The following CEP85L variants were observed in gnomAD, a reference collection of about 807,000 sequenced individuals.
The protein encoded by CEP85L is centrosomal protein 85L.
In CEP85L, 60 loss-of-function variants were observed where a neutral mutation model predicts 100.3. That is an observed-to-expected ratio of 0.60 (90% CI 0.49 to 0.74). The LOEUF (loss-of-function observed/expected upper bound fraction) is 0.74. Among genes scored for constraint, CEP85L ranks in the 30% least tolerant of loss-of-function variants. The pLI, the probability that CEP85L is intolerant of heterozygous loss-of-function variation, is 0.00. For synonymous variants in CEP85L, 319 were observed against 322.7 expected, an observed-to-expected ratio of 0.99 and a Z score of 0.12; for missense variants, 973 against 936.2, an observed-to-expected ratio of 1.04 and a Z score of -0.51.
At chr6:118,625,068 T>TC (rs1282397298) in intron 2 of CEP85L, among the ~76,000 whole-genome samples, 8 of 152,082 alleles carry the variant, frequency 5.3e-5, no homozygotes, top group African/African-American at 1.9e-4. Context: ...TCCACCTCAG[T>TC]CCTAAACACC....
intron 5 of CEP85L, among the ~76,000 whole-genome samples, chr6:118,506,522 T>C (rs1043909141): frequency 2.0e-5 from 3 of 152,236 alleles, no homozygotes; most frequent in Non-Finnish European, 4.4e-5. Context: ...TCTGCTAATG[T>C]AGTAGGTAAC....
chr6:118,524,285 A>C (rs904458565), intron 3 of CEP85L, among the ~76,000 whole-genome samples: 3 of 152,132 alleles, frequency 2.0e-5, no homozygotes, highest in Admixed American at 6.5e-5. Flanking sequence ...TCTACTAAAA[A>C]TACAAAAAAT....
intron 3 of CEP85L, among the ~76,000 whole-genome samples, chr6:118,550,998 AT>A (rs1387218485): frequency 6.6e-6 from 1 of 151,888 alleles, no homozygotes; most frequent in Non-Finnish European, 1.5e-5. Flanking sequence ...TTTAAAAAAA[AT>A]AACACACCCC....
chr6:118,531,101 G>A (rs189912354), intron 3 of CEP85L, among the ~76,000 whole-genome samples: 3 of 152,182 alleles, frequency 2.0e-5, no homozygotes, highest in South Asian at 2.1e-4. Context: ...CCCAACTTCA[G>A]ACTATGCAAC....
intron 3 of CEP85L, among the ~76,000 whole-genome samples, chr6:118,533,883 C>A (rs1018753757): frequency 5.3e-5 from 8 of 151,894 alleles, no homozygotes; most frequent in African/African-American, 1.9e-4. Context: ...TCTCTTGAGG[C>A]CAGCAGTTCA....
At chr6:118,522,062 T>A (rs1776700893) in intron 4 of CEP85L, among the ~76,000 whole-genome samples, 1 of 152,108 alleles carries the variant, frequency 6.6e-6, no homozygotes, top group Admixed American at 6.5e-5. Context: ...GTCCATTTTT[T>A]AAAAGTATTA....
At chr6:118,466,712 A>G (rs1162237984) in intron 12 of CEP85L, among the ~76,000 whole-genome samples, 1 of 152,162 alleles carries the variant, frequency 6.6e-6, no homozygotes, top group Non-Finnish European at 1.5e-5. Context: ...AGAGGTAGGT[A>G]GTAGCTACCT....
At chr6:118,703,617 G>T (rs536615382) in intron 1 of CEP85L, among the ~76,000 whole-genome samples, 8 of 152,156 alleles carry the variant, frequency 5.3e-5, no homozygotes, top group Non-Finnish European at 1.5e-5. Flanking sequence ...GTAACTTCAC[G>T]CATCCCTGTA....
At chr6:118,702,960 C>T (rs1456402619) in intron 1 of CEP85L, among the ~76,000 whole-genome samples, 1 of 145,066 alleles carries the variant, frequency 6.9e-6, no homozygotes, top group Non-Finnish European at 1.5e-5. Flanking sequence ...GGCTCCATTG[C>T]ACTCCAGCCT....
chr6:118,591,051 A>C (rs1781163250), intron 2 of CEP85L, among the ~76,000 whole-genome samples: 1 of 152,206 alleles, frequency 6.6e-6, no homozygotes, highest in Non-Finnish European at 1.5e-5. Flanking sequence ...GGGTCCAGCA[A>C]TCACACTCTC....
chr6:118,649,192 CAATA>C lies in CEP85L; in HGVS notation c.73+2001_73+2004del, dbSNP rs768995836. Among the ~76,000 whole-genome samples, 8 of 151,794 alleles carry C rather than the reference CAATA, an allele frequency of 5.3e-5. No individual in the cohort carries two copies. The East Asian group carries it at 9.7e-4, about 18-fold the overall frequency. On this transcript the variant is annotated intron_variant, in intron 1 of 12. Coordinates refer to ENST00000368491, the MANE Select transcript of CEP85L (RefSeq NM_001042475.3). Reference sequence around the variant, plus strand: ...TATTTGCTCAAAAAGGGAAGAAACACAATAAATAATTACATTACTATTTCAGCAT... The same window carrying C: ...TATTTGCTCAAAAAGGGAAGAAACACAATAATTACATTACTATTTCAGCAT...
intron 5 of CEP85L, chr6:118,501,989 G>A (rs1775335601): frequency 6.0e-6 from 5 of 831,094 alleles, no homozygotes; most frequent in Admixed American, 4.0e-5. Context: ...AAACTGACCA[G>A]GTGGCTTGTT....
intron 10 of CEP85L, among the ~76,000 whole-genome samples, chr6:118,476,065 C>T (rs990680216): frequency 3.3e-5 from 5 of 152,212 alleles, no homozygotes; most frequent in Admixed American, 6.5e-5. Context: ...GGTGACTATT[C>T]GCAGCGCTAA....
At position 118,565,992 on chromosome 6, in the gene CEP85L, A is replaced by G. The variant is rs748145801; in HGVS notation, c.557T>C (p.Ile186Thr). The G allele has an allele frequency of 1.1e-5, 17 of 1,614,028 alleles. No homozygotes were observed. The East Asian group carries it at 2.4e-4, about 23-fold the overall frequency. ...TGATGTTAAAGCCTTAGCCTTCCCT[A>G]TCTTCTCCAAACCATTCCTTGACTC... ...REESRNGLEK[I>T]GKAKALTSQL... The change falls in exon 3 of 13, where the codon ATA (isoleucine) becomes ACA (threonine). Residue 186 changes from isoleucine to threonine, a missense_variant. Ile to Thr is a moderately conservative substitution (Grantham distance 89). This residue lies in a region of CEP85L where 890 missense variants were observed against 844.5 expected (regional missense o/e 1.05). Coordinates refer to ENST00000368491, the MANE Select transcript of CEP85L (RefSeq NM_001042475.3).
At chr6:118,540,343 T>C (rs1010263514) in intron 3 of CEP85L, among the ~76,000 whole-genome samples, 1 of 152,190 alleles carries the variant, frequency 6.6e-6, no homozygotes, top group African/African-American at 2.4e-5. Context: ...TATGAAAATT[T>C]GGAGATTTCT....
chr6:118,505,434 A>G (rs1434934845), intron 5 of CEP85L, among the ~76,000 whole-genome samples: 1 of 149,488 alleles, frequency 6.7e-6, no homozygotes, highest in Admixed American at 6.7e-5. Context: ...AAAAAAAAAA[A>G]AAAAGTTAAC....
chr6:118,490,759 CAATA>C (rs1014454243), intron 6 of CEP85L, among the ~76,000 whole-genome samples: 8 of 152,024 alleles, frequency 5.3e-5, no homozygotes, highest in African/African-American at 1.9e-4. Flanking sequence ...CACTACTCAG[CAATA>C]GATAGAAACT....
At chr6:118,688,868 C>G (rs530855973) in intron 1 of CEP85L, among the ~76,000 whole-genome samples, 1 of 152,304 alleles carries the variant, frequency 6.6e-6, no homozygotes, top group African/African-American at 2.4e-5. Context: ...TCTCTTATGC[C>G]CTAGAGCCAT....
chr6:118,597,896 G>A (rs1017091702), intron 2 of CEP85L, among the ~76,000 whole-genome samples: 2 of 152,176 alleles, frequency 1.3e-5, no homozygotes, highest in African/African-American at 2.4e-5. Flanking sequence ...ACTGAGGAAG[G>A]CTAGTTCCTG....
Sources: allele counts gnomAD v4.1 joint callset (sites outside exome capture counted in the v4.1 genomes callset), GRCh38; gene constraint gnomAD v4.1.1; regional missense constraint gnomAD v4.1.1; transcripts MANE v1.5; gene names NCBI Gene and HGNC (gene_info 2026-07-23, HGNC 2026-07-21).